The following MAF variants were observed in gnomAD, a reference collection of about 807,000 sequenced individuals.
The protein encoded by MAF is MAF bZIP transcription factor, also known as transcription factor Maf.
In MAF, 10 loss-of-function variants were observed where a neutral mutation model predicts 22.0. The ratio of observed to expected loss-of-function variants is 0.45; its 90% CI spans 0.28 to 0.77. The LOEUF is 0.77. Among genes scored for constraint, MAF ranks in the 30% least tolerant of loss-of-function variants. The probability of loss-of-function intolerance (pLI) is 0.12; values close to 1 mark genes in which losing one functional copy is unlikely to be tolerated. For synonymous variants in MAF, 337 were observed against 255.8 expected (o/e 1.32, Z -3.03); for missense variants, 544 against 548.4 (o/e 0.99, Z 0.08).
the MAF span, among the ~76,000 whole-genome samples, chr16:79,285,441 T>C: frequency 6.6e-6 from 1 of 152,032 alleles, no homozygotes; most frequent in East Asian, 1.9e-4. Flanking sequence ...AGCTGGAAAA[T>C]AGGGACAGCA....
At chr16:79,514,957 C>A in the MAF span, among the ~76,000 whole-genome samples, 1 of 152,326 alleles carries the variant, frequency 6.6e-6, no homozygotes, top group Admixed American at 6.5e-5. Context: ...GACTTGATGT[C>A]TCCTTCATTA....
chr16:79,439,720 C>A, the MAF span, among the ~76,000 whole-genome samples: 16 of 152,130 alleles, frequency 1.1e-4, no homozygotes, highest in African/African-American at 3.9e-4. Context: ...ACATAGACCA[C>A]AGTAAGAGTG....
chr16:79,477,893 T>C, the MAF span, among the ~76,000 whole-genome samples: 1 of 151,644 alleles, frequency 6.6e-6, no homozygotes, highest in African/African-American at 2.4e-5. Context: ...CCAGCTAATT[T>C]TTGTATTTTT....
chr16:79,366,586 T>A, the MAF span, among the ~76,000 whole-genome samples: 1 of 152,244 alleles, frequency 6.6e-6, no homozygotes. Flanking sequence ...TGTGACTTAC[T>A]TTGATCAAGG....
the MAF span, among the ~76,000 whole-genome samples, chr16:79,218,573 C>T: frequency 5.3e-5 from 8 of 152,204 alleles, no homozygotes; most frequent in African/African-American, 1.7e-4. Context: ...TTGTTTACAA[C>T]CTTATCAACA....
At chr16:79,340,302 G>A in the MAF span, among the ~76,000 whole-genome samples, 2 of 151,780 alleles carry the variant, frequency 1.3e-5, no homozygotes, top group African/African-American at 4.8e-5. Context: ...AAGATGCCTT[G>A]TTATTATTGT....
At chr16:79,584,001 T>C (rs1597830657), downstream of MAF, among the ~76,000 whole-genome samples, 1 of 152,162 alleles carries the variant, frequency 6.6e-6, no homozygotes, top group Non-Finnish European at 1.5e-5. Flanking sequence ...TTAGTCAGGA[T>C]CAAGGGATGC....
the MAF span, among the ~76,000 whole-genome samples, chr16:79,417,495 C>A: frequency 6.6e-6 from 1 of 152,072 alleles, no homozygotes; most frequent in African/African-American, 2.4e-5. Context: ...TTTGGATGTG[C>A]GATGTTATTA....
the MAF span, among the ~76,000 whole-genome samples, chr16:79,493,235 G>T: frequency 6.6e-6 from 1 of 152,038 alleles, no homozygotes; most frequent in East Asian, 1.9e-4. Flanking sequence ...CAGGCTGGAG[G>T]ACAGTGGCAT....
At chr16:79,343,898 A>G in the MAF span, among the ~76,000 whole-genome samples, 2 of 152,156 alleles carry the variant, frequency 1.3e-5, no homozygotes, top group Non-Finnish European at 2.9e-5. Context: ...TCTGACAGTT[A>G]AAAGCAAAAC....
the MAF span, among the ~76,000 whole-genome samples, chr16:79,414,835 C>T: frequency 7.9e-5 from 12 of 152,168 alleles, no homozygotes; most frequent in Non-Finnish European, 1.8e-4. Context: ...CACGTGATAT[C>T]CATTGTAGGA....
the MAF span, among the ~76,000 whole-genome samples, chr16:79,559,715 G>A: frequency 0.098 from 14,949 of 151,992 alleles, 972 homozygotes; most frequent in East Asian, 0.25. Context: ...AGAAGCCAAC[G>A]GAAATGAAAA....
At chr16:79,505,513 T>C in the MAF span, 1 of 152,224 alleles carries the variant, frequency 6.6e-6, no homozygotes, top group Non-Finnish European at 1.5e-5. Context: ...TGATCACCAG[T>C]ATGTCCGGAA....
At chr16:79,204,468 G>A in the MAF span, 1 of 152,076 alleles carries the variant, frequency 6.6e-6, no homozygotes, top group East Asian at 1.9e-4. Flanking sequence ...AATAATAGCA[G>A]GTCTCAGAAA....
chr16:79,534,352 C>T, the MAF span, among the ~76,000 whole-genome samples: 7 of 152,176 alleles, frequency 4.6e-5, no homozygotes, highest in African/African-American at 1.7e-4. Flanking sequence ...CTTGGGAATA[C>T]AGGACTTAGG....
chr16:79,293,442 T>C, the MAF span, among the ~76,000 whole-genome samples: 12 of 152,352 alleles, frequency 7.9e-5, no homozygotes, highest in Admixed American at 6.5e-4. Context: ...TATTATGTAA[T>C]ATACACTTTC....
the MAF span, among the ~76,000 whole-genome samples, chr16:79,292,873 A>G: frequency 1.3e-5 from 2 of 152,164 alleles, no homozygotes; most frequent in African/African-American, 4.8e-5. Context: ...TCCCATCAGC[A>G]CCATGGCAAT....
the MAF span, among the ~76,000 whole-genome samples, chr16:79,401,513 G>A: frequency 6.6e-6 from 1 of 152,080 alleles, no homozygotes; most frequent in African/African-American, 2.4e-5. Context: ...TATTGGAGCA[G>A]GGAGAGCTCC....
chr16:79,318,666 A>G, the MAF span, among the ~76,000 whole-genome samples: 4 of 152,298 alleles, frequency 2.6e-5, no homozygotes, highest in African/African-American at 9.6e-5. Flanking sequence ...CATCCATTTC[A>G]TGGCTCCTTT....
Sources: gnomAD v4.1 joint callset for allele counts (sites outside exome capture counted in the v4.1 genomes callset) on GRCh38, gnomAD v4.1.1 for gene constraint, MANE v1.5 for transcripts, NCBI Gene and HGNC (gene_info 2026-07-23, HGNC 2026-07-21) for gene names.